NR2C1: variants seen among roughly 807,000 people sequenced by gnomAD.
NR2C1 encodes the protein TR2 nuclear hormone receptor.
A neutral mutation model predicts 74.8 loss-of-function variants in NR2C1; 33 were observed. That is an observed-to-expected ratio of 0.44 (90% CI 0.33 to 0.59). NR2C1 has a LOEUF of 0.59. Ranked by LOEUF, NR2C1 falls within the 20% of genes least tolerant of loss-of-function variation. NR2C1 has a pLI of 0.02. For synonymous variants in NR2C1, 225 were observed against 240.6 expected, an observed-to-expected ratio of 0.94 and a Z score of 0.60; for missense variants, 568 against 715.6, an observed-to-expected ratio of 0.79 and a Z score of 2.35.
At chr12:95,048,577 CAGAAG>C (rs890794971) in intron 9 of NR2C1, among the ~76,000 whole-genome samples, 5 of 150,956 alleles carry the variant, frequency 3.3e-5, no homozygotes, top group African/African-American at 7.3e-5. Context: ...TCTTGATAAA[CAGAAG>C]AGAAAAGCCT....
intron 9 of NR2C1, among the ~76,000 whole-genome samples, chr12:95,047,715 T>C (rs1481584235): frequency 6.6e-6 from 1 of 152,230 alleles, no homozygotes; most frequent in East Asian, 1.9e-4. Context: ...TCCCTTTGCA[T>C]ACATCTTGCT....
intron 4 of NR2C1, 90 bp from the exon 5 acceptor site, chr12:95,058,579 T>C (rs1226846946): frequency 2.0e-6 from 2 of 1,008,826 alleles, no homozygotes; most frequent in Admixed American, 2.5e-5. Context: ...AAACAACATA[T>C]AAGATGAAAC....
At chr12:95,059,475 G>A (rs77028818) in intron 4 of NR2C1, among the ~76,000 whole-genome samples, 6,713 of 152,152 alleles carry the variant, frequency 0.044, 201 homozygotes, top group Middle Eastern at 0.095. Context: ...GGGAGGCCAA[G>A]GAGGGGAGGG....
chr12:95,025,548 C>G (rs1190822493), intron 12 of NR2C1, among the ~76,000 whole-genome samples: 2 of 150,876 alleles, frequency 1.3e-5, no homozygotes, highest in Non-Finnish European at 2.9e-5. Flanking sequence ...ATCCAAGCTA[C>G]TCAGGAGACT....
intron 9 of NR2C1, among the ~76,000 whole-genome samples, chr12:95,043,728 G>A (rs760810620): frequency 2.1e-5 from 3 of 140,324 alleles, no homozygotes; most frequent in Non-Finnish European, 4.8e-5. Flanking sequence ...GTTTAAAATT[G>A]CATTTAAATA....
chr12:95,062,620 A>G lies in NR2C1; in HGVS notation c.173T>C (p.Ile58Thr). 1 of 1,614,158 alleles carries G rather than the reference A, an allele frequency of 6.2e-7. No homozygotes were observed. The highest frequency in any genetic ancestry group is 8.5e-7 in the Non-Finnish European group (1 of 1,180,030). The stretch of plus-strand genomic sequence containing the variant: ...CGGAGTGGAATCTTGCCTGGCCAGA[A>G]TGACTTTGCTTGGAGTAGAGCCGTC... ...NHDGSTPSKV[I>T]LARQDSTPGK... Residue 58 changes from isoleucine (I) to threonine (T), a missense_variant, in exon 3 of 14, where the codon ATT becomes ACT. This residue lies in a region of NR2C1 where 128 missense variants were observed against 118.9 expected (regional missense o/e 1.08). Transcript: ENST00000333003.
intron 11 of NR2C1, 130 bp downstream of exon 11, chr12:95,031,219 A>G (rs1053351821): frequency 1.3e-6 from 1 of 751,990 alleles, no homozygotes; most frequent in African/African-American, 1.8e-5. Flanking sequence ...AAAATTATCT[A>G]AAGTAAGAAG....
chr12:95,035,603 C>A (rs2569989), intron 10 of NR2C1, among the ~76,000 whole-genome samples: 104,442 of 152,024 alleles, frequency 0.69, 36,046 homozygotes, highest in South Asian at 0.72. Flanking sequence ...AAAAAGACAC[C>A]AGTGGCAGAT....
At chr12:95,050,983 T>G (rs542350684) in intron 8 of NR2C1, among the ~76,000 whole-genome samples, 1 of 152,304 alleles carries the variant, frequency 6.6e-6, no homozygotes, top group Non-Finnish European at 1.5e-5. Context: ...ATCTTCATCT[T>G]TAGAAGAAAA....
In NR2C1 at chr12:95,072,435, G is replaced by A. The variant is rs115785638; in HGVS notation, c.-8+945C>T. 5.9e-3 allele frequency among the ~76,000 whole-genome samples: 798 copies of A among 134,640 alleles called. 9 individuals carry two copies. Among genetic ancestry groups the A allele is most frequent in the African/African-American group, 0.022 (756 of 34,850 alleles). 88.3% of individuals were successfully genotyped at this position (134,640 alleles called of 152,430 possible). A position where few individuals can be genotyped will look rare whatever the true frequency, so the allele number is the denominator to read the frequency against. ...GCCACCGCACTCCAGCTTGGCGACAGTGAGACTCCCTCTCCCTCTCAAAAA... is the reference window on the plus strand; with the variant it reads ...GCCACCGCACTCCAGCTTGGCGACAATGAGACTCCCTCTCCCTCTCAAAAA... On this transcript the variant is annotated intron_variant, in intron 1 of 13. Coordinates refer to ENST00000333003, the MANE Select transcript of NR2C1 (RefSeq NM_003297.4).
intron 7 of NR2C1, among the ~76,000 whole-genome samples, chr12:95,054,359 G>A (rs1228799423): frequency 4.0e-5 from 6 of 151,338 alleles, no homozygotes; most frequent in African/African-American, 1.5e-4. Context: ...CTAGACTGGA[G>A]TGCAGTGCCA....
intron 9 of NR2C1, among the ~76,000 whole-genome samples, chr12:95,042,939 A>AC (rs1871776215): frequency 6.6e-6 from 1 of 151,146 alleles, no homozygotes; most frequent in African/African-American, 2.4e-5. Context: ...CTACAAAAAA[A>AC]AAAAAAAAAA....
rs972559055 is a variant in NR2C1 at position 95,020,313 on chromosome 12, T to G, written c.*1916A>C. The G allele has an allele frequency of 2.6e-5, 4 of 152,202 alleles. No homozygotes were observed. Among genetic ancestry groups the G allele is most frequent in the Non-Finnish European group, 5.9e-5 (4 of 68,038 alleles). 9.4% of individuals were successfully genotyped at this position (152,202 alleles called of 1,614,324 possible). A position where few individuals can be genotyped will look rare whatever the true frequency, so the allele number is the denominator to read the frequency against. On this transcript the variant is annotated 3_prime_UTR_variant, in exon 14 of 14. Coordinates refer to ENST00000333003, the MANE Select transcript of NR2C1 (RefSeq NM_003297.4). ...TGCAAGTCACATTTTAATATAGTTT[T>G]AAAGTCTTCCAAATATAGTAGCAAA...
chr12:95,028,635 T>A (rs1951185703), intron 11 of NR2C1, 111 bp from the exon 12 acceptor site: 1 of 795,308 alleles, frequency 1.3e-6, no homozygotes, highest in Admixed American at 2.6e-5. Flanking sequence ...ATTCTTAAAT[T>A]TTTTTTGAGA....
chr12:95,044,314 C>CTGCA (rs1483191297), intron 9 of NR2C1, among the ~76,000 whole-genome samples: 1 of 151,662 alleles, frequency 6.6e-6, no homozygotes. Flanking sequence ...GTCGCCCAGG[C>CTGCA]TGCAGTGCAG....
Position 95,057,549 on chromosome 12 carries a change from A to G in NR2C1, c.783+4T>C, listed in dbSNP as rs757387553. 2 of 1,594,572 alleles carry G rather than the reference A, an allele frequency of 1.3e-6. No individual in the cohort carries two copies. Among genetic ancestry groups the G allele is most frequent in the East Asian group, 2.2e-5 (1 of 44,796 alleles). On this transcript the variant is annotated splice_donor_region_variant and intron_variant, in intron 7 of 13. Transcript: ENST00000333003. ...ATCTAAGCTTTAAATTGTACTAAAC[A>G]CACCTTATCTGATGTCATCAGCACA...
chr12:95,024,233 TAAAC>T (rs1592717368), intron 13 of NR2C1, among the ~76,000 whole-genome samples: 2 of 152,134 alleles, frequency 1.3e-5, no homozygotes, highest in Admixed American at 1.3e-4. Flanking sequence ...TTATTTATTA[TAAAC>T]AAACACACTT....
chr12:95,037,153 G>T (rs1459661194), intron 10 of NR2C1, among the ~76,000 whole-genome samples: 1 of 152,118 alleles, frequency 6.6e-6, no homozygotes, highest in African/African-American at 2.4e-5. Flanking sequence ...TATATTTTAA[G>T]AATCTAGGTA....
At chr12:95,030,951 G>A (rs969913509) in intron 11 of NR2C1, 24 of 1,119,902 alleles carry the variant, frequency 2.1e-5, no homozygotes, top group Non-Finnish European at 2.4e-5. Context: ...ACACTCTGAT[G>A]AATTGATACA....
Sources: allele counts gnomAD v4.1 joint callset (sites outside exome capture counted in the v4.1 genomes callset), GRCh38; gene constraint gnomAD v4.1.1; regional missense constraint gnomAD v4.1.1; transcripts MANE v1.5; gene names NCBI Gene and HGNC (gene_info 2026-07-23, HGNC 2026-07-21).